DNAH12: variants seen among roughly 807,000 people sequenced by gnomAD.
The protein encoded by DNAH12 is axonemal beta dynein heavy chain 12.
Under a neutral mutation model 371.5 loss-of-function variants are expected in DNAH12, and 285 were observed. That is an observed-to-expected ratio of 0.77 (90% CI 0.70 to 0.85). The LOEUF is 0.85. Among genes scored for constraint, DNAH12 ranks in the 40% least tolerant of loss-of-function variants. DNAH12 has a pLI of 0.00. For missense variants in DNAH12, 3,611 were observed against 3,689.4 expected (o/e 0.98, Z 0.55); for synonymous variants, 1,200 against 1,213.0 (o/e 0.99, Z 0.22).
At chr3:57,376,270 T>C (rs2063278808) in intron 53 of DNAH12, among the ~76,000 whole-genome samples, 1 of 152,006 alleles carries the variant, frequency 6.6e-6, no homozygotes, top group Non-Finnish European at 1.5e-5. Flanking sequence ...AATAATTTTC[T>C]CTTGGATGAT....
chr3:57,524,211 C>G (rs556059699), intron 2 of DNAH12, among the ~76,000 whole-genome samples: 5 of 152,194 alleles, frequency 3.3e-5, no homozygotes, highest in Non-Finnish European at 5.9e-5. Flanking sequence ...GTCAGAGAAG[C>G]CTCCCCGTAC....
intron 36 of DNAH12, among the ~76,000 whole-genome samples, chr3:57,420,325 C>G (rs1460541655): frequency 1.3e-5 from 2 of 152,180 alleles, no homozygotes; most frequent in African/African-American, 4.8e-5. Context: ...AGAGCTGTGG[C>G]TGGAATCTCA....
chr3:57,507,184 A>C (rs2067794944), intron 8 of DNAH12, among the ~76,000 whole-genome samples: 1 of 152,146 alleles, frequency 6.6e-6, no homozygotes, highest in African/African-American at 2.4e-5. Flanking sequence ...TAATTTCATA[A>C]AATTAAAAAT....
At chr3:57,421,116 C>G (rs1423272499) in intron 36 of DNAH12, among the ~76,000 whole-genome samples, 2 of 151,960 alleles carry the variant, frequency 1.3e-5, no homozygotes, top group Non-Finnish European at 2.9e-5. Context: ...GAGTCAAGTT[C>G]TGGCTCTGCT....
chr3:57,420,692 G>C (rs544305907), intron 36 of DNAH12, among the ~76,000 whole-genome samples: 8 of 151,970 alleles, frequency 5.3e-5, no homozygotes, highest in African/African-American at 1.9e-4. Context: ...GGTGGATCAC[G>C]AGGTCAGGAG....
chr3:57,424,940 T>C lies in DNAH12; in HGVS notation c.5373+82A>G, dbSNP rs965142635. 4.8e-6 allele frequency: 3 copies of C among 619,628 alleles called. No individual in the cohort carries two copies. The East Asian group carries it at 8.2e-5, about 17-fold the overall frequency. The allele number at this position is 619,628 out of a possible 1,614,324, so 38.4% of individuals were successfully genotyped here. On this transcript the variant is annotated intron_variant, in intron 35 of 73. Transcript: ENST00000495027. Reference sequence around the variant, plus strand: ...CACCAAAAAATAGCTTTGGATCTTGTCATGTCTTTCTCAATATAAACATCA... The same window carrying C: ...CACCAAAAAATAGCTTTGGATCTTGCCATGTCTTTCTCAATATAAACATCA...
At chr3:57,345,038 T>TA (rs11379567) in intron 60 of DNAH12, among the ~76,000 whole-genome samples, 52,941 of 151,880 alleles carry the variant, frequency 0.35, 9,874 homozygotes, top group African/African-American at 0.47. Context: ...AACAGTTAAT[T>TA]GTACATATAT....
At chr3:57,408,006 T>A (rs1411060633) in intron 40 of DNAH12, among the ~76,000 whole-genome samples, 3 of 152,086 alleles carry the variant, frequency 2.0e-5, no homozygotes, top group Admixed American at 2.0e-4. Context: ...AACAACCTTG[T>A]GAAATAGGTG....
In DNAH12 at chr3:57,415,475, A is replaced by C. The variant is rs1448653317; in HGVS notation, c.5804T>G (p.Phe1935Cys). The stretch of plus-strand genomic sequence containing the variant: ...TGCAGATAAGTTAATATAAAAAGGA[A>C]AGTACTGGTCCTTTTCCAAGTGATT... Reference protein sequence around the residue: ...LMNHLEKDQYFPFYINLSART... With the variant: ...LMNHLEKDQYCPFYINLSART... The change falls in exon 38 of 74, where the codon TTT becomes TGT. Residue 1935 changes from phenylalanine to cysteine, a missense_variant. Around this residue, in one of 3 missense-constraint regions of DNAH12, gnomAD observed 2,266 missense variants for 2,236.9 expected, o/e 1.01. Transcript: ENST00000495027. 28 of 1,551,184 alleles carry C rather than the reference A, an allele frequency of 1.8e-5. No individual in the cohort carries two copies. The highest frequency in any genetic ancestry group is 3.9e-5 in the Admixed American group (2 of 50,882).
chr3:57,424,992 A>G (rs540901669), intron 35 of DNAH12, 30 bp downstream of exon 35: 266 of 687,056 alleles, frequency 3.9e-4, no homozygotes, highest in Non-Finnish European at 6.3e-4. Context: ...TTTATTTATA[A>G]TTAAAAACTA....
At chr3:57,305,287 C>T (rs1463538935) in intron 69 of DNAH12, among the ~76,000 whole-genome samples, 2 of 151,956 alleles carry the variant, frequency 1.3e-5, no homozygotes, top group African/African-American at 2.4e-5. Context: ...CCCCAAGCGT[C>T]GCTGAGTCTT....
At chr3:57,545,809 C>G (rs183096998), upstream of DNAH12, among the ~76,000 whole-genome samples, 27 of 152,200 alleles carry the variant, frequency 1.8e-4, 2 homozygotes, top group Admixed American at 1.6e-3. Flanking sequence ...CCCATTTGGA[C>G]AAAAACTTGC....
In DNAH12 at chr3:57,310,826, T is replaced by C. The variant is rs1268116404; in HGVS notation, c.10787A>G (p.Asp3596Gly). The change falls in exon 67 of 74, where the codon GAC becomes GGC. Residue 3596 changes from aspartate (D) to glycine (G), a missense_variant. By Grantham distance (94) the Asp-to-Gly change is moderately conservative. This residue lies in a region of DNAH12 where 2,266 missense variants were observed against 2,236.9 expected (regional missense o/e 1.01). Transcript: ENST00000495027. ...TTCAACTATGTACAGATTATAAAAG[T>C]CAGCCAGCATGGTTAATAGAAGACG... ...DRRLLLTMLA[D>G]FYNLYIVENP... is the part of the protein sequence containing the mutation. The C allele has an allele frequency of 6.4e-7, 1 of 1,551,604 alleles. No homozygotes were observed. Among genetic ancestry groups the C allele is most frequent in the Admixed American group, 2.0e-5 (1 of 50,996 alleles).
intron 11 of DNAH12, among the ~76,000 whole-genome samples, chr3:57,499,412 A>C (rs2153389073): frequency 6.6e-6 from 1 of 151,680 alleles, no homozygotes. Context: ...TCTTGAAATT[A>C]ATAAAGAATT....
intron 2 of DNAH12, among the ~76,000 whole-genome samples, chr3:57,539,883 TG>T (rs919290452): frequency 3.2e-4 from 48 of 152,186 alleles, no homozygotes; most frequent in African/African-American, 1.0e-3. Context: ...CCCAAAGTGC[TG>T]GGATTACAGG....
At chr3:57,430,538 T>G (rs1005021861) in intron 32 of DNAH12, among the ~76,000 whole-genome samples, 1 of 152,208 alleles carries the variant, frequency 6.6e-6, no homozygotes, top group African/African-American at 2.4e-5. Flanking sequence ...TTATCAAATA[T>G]GTCAAAAACT....
At chr3:57,415,789 C>A (rs942956329) in intron 37 of DNAH12, among the ~76,000 whole-genome samples, 23 of 119,400 alleles carry the variant, frequency 1.9e-4, no homozygotes, top group Non-Finnish European at 3.9e-4. Context: ...ATTTTTTATT[C>A]TTTTTTTTTT....
chr3:57,381,730 A>T (rs1043344702), intron 50 of DNAH12, among the ~76,000 whole-genome samples: 2 of 152,162 alleles, frequency 1.3e-5, no homozygotes, highest in Non-Finnish European at 2.9e-5. Flanking sequence ...TATACTGCTT[A>T]ACTCAGATGT....
Position 57,323,475 on chromosome 3 carries a change from T to C in DNAH12, c.10123A>G (p.Met3375Val), listed in dbSNP as rs1401904603. 5 of 1,544,354 alleles carry C rather than the reference T, an allele frequency of 3.2e-6. No homozygotes were observed. Among genetic ancestry groups the C allele is most frequent in the Non-Finnish European group, 4.4e-6 (5 of 1,145,090 alleles). ...TTACAGTATATGCACTTACTGGCCA[T>C]AGGATCTGCTCCTGGAGATAGAACA... ...IFVLSPGADP[M>V]ASLLKFANDK... is the part of the protein sequence containing the mutation. The change falls in exon 63 of 74, where the codon ATG becomes GTG. Residue 3375 changes from methionine to valine, a missense_variant. By Grantham distance (21) the Met-to-Val change is conservative. Transcript: ENST00000495027.
Sources: gnomAD v4.1 joint callset for allele counts (sites outside exome capture counted in the v4.1 genomes callset) on GRCh38, gnomAD v4.1.1 for gene constraint, gnomAD v4.1.1 regional missense constraint, MANE v1.5 for transcripts, NCBI Gene and HGNC (gene_info 2026-07-23, HGNC 2026-07-21) for gene names.